Variants in CACNB2 observed in about 807,000 individuals in gnomAD.
The protein encoded by CACNB2 is calcium voltage-gated channel auxiliary subunit beta 2.
A neutral mutation model predicts 73.3 loss-of-function variants in CACNB2; 42 were observed. The ratio of observed to expected loss-of-function variants is 0.57; its 90% CI spans 0.45 to 0.74. CACNB2 has a LOEUF of 0.74. CACNB2 is among the 30% of genes least tolerant of loss of function. The probability of loss-of-function intolerance (pLI) is 0.00; values close to 1 mark genes in which losing one functional copy is unlikely to be tolerated. For missense variants in CACNB2, 940 were observed against 853.0 expected (o/e 1.10, Z -1.27); for synonymous variants, 348 against 310.3 (o/e 1.12, Z -1.28).
rs75185982 is a variant in CACNB2, at chr10:18,529,937, G to C, written c.1054+2240G>C. Among the ~76,000 whole-genome samples the C allele has an allele frequency of 2.9e-3, 439 of 152,340 alleles. 2 individuals carry two copies. Among genetic ancestry groups the C allele is most frequent in the Non-Finnish European group, 4.7e-3 (317 of 68,034 alleles). On this transcript the variant is annotated intron_variant, in intron 10 of 13. Transcript: ENST00000324631. ...ATGGAATCACAGTTCCACATGGCTA[G>C]TGAGGCCTCACAATCATGGTAGACA...
At chr10:18,460,688 C>T (rs112049194) in intron 3 of CACNB2, among the ~76,000 whole-genome samples, 6 of 152,014 alleles carry the variant, frequency 3.9e-5, no homozygotes, top group African/African-American at 1.4e-4. Context: ...CCCAGGAGTT[C>T]GAGAGCAGCC....
intron 3 of CACNB2, among the ~76,000 whole-genome samples, chr10:18,467,127 C>G (rs1179034590): frequency 6.6e-6 from 1 of 151,996 alleles, no homozygotes; most frequent in African/African-American, 2.4e-5. Flanking sequence ...GCACTACAGC[C>G]CAGGCAACAG....
At chr10:18,301,780 C>T (rs2039523217) in intron 2 of CACNB2, among the ~76,000 whole-genome samples, 1 of 151,812 alleles carries the variant, frequency 6.6e-6, no homozygotes, top group Non-Finnish European at 1.5e-5. Context: ...TCCCGAGTAG[C>T]TGGGATTACA....
At chr10:18,307,915 G>A (rs1238922702) in intron 2 of CACNB2, among the ~76,000 whole-genome samples, 2 of 144,078 alleles carry the variant, frequency 1.4e-5, no homozygotes, top group African/African-American at 5.2e-5. Flanking sequence ...TAGCATGTGT[G>A]TATTACACTG....
chr10:18,525,487 T>C (rs1423368650), intron 9 of CACNB2, among the ~76,000 whole-genome samples: 1 of 152,230 alleles, frequency 6.6e-6, no homozygotes, highest in Non-Finnish European at 1.5e-5. Context: ...GCTTCCATTG[T>C]TGCTTTGAGA....
rs2047916925 is a variant in CACNB2 at position 18,466,888 on chromosome 10, C to G, written c.334-31467C>G. Among the ~76,000 whole-genome samples, 2 of 152,150 alleles carry G rather than the reference C, an allele frequency of 1.3e-5. 1 individual carries two copies. The highest frequency in any genetic ancestry group is 4.1e-4 in the South Asian group (2 of 4,828). On this transcript the variant is annotated intron_variant, in intron 3 of 13. Transcript: ENST00000324631. ...GAATAGGATGAGGCTGGGTGTGGTTCTCACACCTGTAATCCCAGCACTTTG... is the reference window on the plus strand; with the variant it reads ...GAATAGGATGAGGCTGGGTGTGGTTGTCACACCTGTAATCCCAGCACTTTG...
intron 6 of CACNB2, among the ~76,000 whole-genome samples, chr10:18,510,055 G>T (rs1490536475): frequency 1.3e-5 from 2 of 152,074 alleles, no homozygotes; most frequent in African/African-American, 4.8e-5. Flanking sequence ...TAACTGCCTT[G>T]GTAAGTTTCT....
intron 3 of CACNB2, among the ~76,000 whole-genome samples, chr10:18,454,014 C>T (rs149762033): frequency 6.6e-6 from 1 of 152,282 alleles, no homozygotes; most frequent in East Asian, 1.9e-4. Flanking sequence ...TCTGATTGTA[C>T]TCCCAGGAAC....
chr10:18,495,220 CTT>C (rs755228257), intron 3 of CACNB2, among the ~76,000 whole-genome samples: 42 of 137,116 alleles, frequency 3.1e-4, no homozygotes, highest in Non-Finnish European at 2.7e-4. Flanking sequence ...TTGAGGGAGT[CTT>C]TTTTTTTTTT....
intron 2 of CACNB2, among the ~76,000 whole-genome samples, chr10:18,362,217 C>G (rs1384071435): frequency 6.6e-6 from 1 of 152,088 alleles, no homozygotes; most frequent in African/African-American, 2.4e-5. Context: ...TCTTTTCAGC[C>G]ATATTGTTTT....
chr10:18,539,579 A>G lies in CACNB2; in HGVS notation c.1838A>G (p.Asp613Gly). The change falls in exon 14 of 14, where the codon GAT becomes GGT. Residue 613 changes from aspartate (D) to glycine (G), a missense_variant. Coordinates refer to ENST00000324631, the MANE Select transcript of CACNB2 (RefSeq NM_201596.3). ...TCCCGGCACCGTTCCCGGGACGTGG[A>G]TCGAGAGCAGGACCACAACGAGTGC... ...RESRHRSRDV[D>G]REQDHNECNK... 2 of 1,613,858 alleles carry G rather than the reference A, an allele frequency of 1.2e-6. No homozygotes were observed. Among genetic ancestry groups the G allele is most frequent in the Non-Finnish European group, 1.7e-6 (2 of 1,179,982 alleles).
intron 2 of CACNB2, among the ~76,000 whole-genome samples, chr10:18,374,771 C>G (rs1015392838): frequency 9.9e-5 from 15 of 152,074 alleles, no homozygotes; most frequent in Non-Finnish European, 1.9e-4. Flanking sequence ...TTATGCACAC[C>G]CACTGTCCTT....
chr10:18,316,951 G>A (rs1250727049), intron 2 of CACNB2, among the ~76,000 whole-genome samples: 5 of 152,092 alleles, frequency 3.3e-5, no homozygotes, highest in African/African-American at 7.2e-5. Context: ...ATGCTTCTTA[G>A]GAGAGTGGAG....
intron 2 of CACNB2, among the ~76,000 whole-genome samples, chr10:18,247,213 G>A (rs1044655673): frequency 3.9e-5 from 6 of 152,102 alleles, no homozygotes; most frequent in Non-Finnish European, 7.4e-5. Context: ...ACAGAATCCT[G>A]CTGTGAGGGG....
At chr10:18,508,368 C>G (rs187805867) in intron 6 of CACNB2, among the ~76,000 whole-genome samples, 7 of 152,204 alleles carry the variant, frequency 4.6e-5, no homozygotes, top group African/African-American at 1.7e-4. Flanking sequence ...TTACGGAGCC[C>G]CTGAATCCAC....
chr10:18,401,861 A>G, intron 2 of CACNB2, 63 bp from the exon 3 acceptor site: 2 of 1,571,144 alleles, frequency 1.3e-6, no homozygotes, highest in Non-Finnish European at 1.8e-6. Flanking sequence ...TGTGTCGATG[A>G]GACTTTTCCA....
chr10:18,520,378 G>A (rs1011974874), intron 9 of CACNB2, among the ~76,000 whole-genome samples: 1 of 152,058 alleles, frequency 6.6e-6, no homozygotes, highest in African/African-American at 2.4e-5. Flanking sequence ...AATATATTCA[G>A]AATCGAAGCC....
At chr10:18,167,380 G>A (rs181716249) in intron 2 of CACNB2, among the ~76,000 whole-genome samples, 81 of 152,204 alleles carry the variant, frequency 5.3e-4, no homozygotes, top group African/African-American at 4.6e-4. Context: ...GATGAGTTCA[G>A]TAGAAACCCA....
intron 3 of CACNB2, among the ~76,000 whole-genome samples, chr10:18,493,816 A>G (rs998357588): frequency 6.6e-6 from 1 of 152,180 alleles, no homozygotes; most frequent in African/African-American, 2.4e-5. Context: ...AGCTGAAGTG[A>G]GACCAGGGAA....
Sources: gnomAD v4.1 joint callset for allele counts (sites outside exome capture counted in the v4.1 genomes callset) on GRCh38, gnomAD v4.1.1 for gene constraint, MANE v1.5 for transcripts, NCBI Gene and HGNC (gene_info 2026-07-23, HGNC 2026-07-21) for gene names.